TUSC3: variants seen among roughly 807,000 people sequenced by gnomAD.
The protein encoded by TUSC3 is dolichyl-diphosphooligosaccharide--protein glycosyltransferase subunit TUSC3.
Under a neutral mutation model 44.8 loss-of-function variants are expected in TUSC3, and 45 were observed. The observed-to-expected ratio is 1.00, with a 90% CI of 0.79 to 1.29. The LOEUF (loss-of-function observed/expected upper bound fraction) is 1.29, where lower values mean the gene tolerates loss of function less well. TUSC3 is among the 50% of genes most tolerant of loss of function. TUSC3 has a pLI of 0.00. For synonymous variants in TUSC3, 212 were observed against 152.9 expected, an observed-to-expected ratio of 1.39 and a Z score of -2.85; for missense variants, 519 against 437.9, an observed-to-expected ratio of 1.19 and a Z score of -1.65.
chr8:15,588,824 G>T (rs762798342), intron 1 of TUSC3, among the ~76,000 whole-genome samples: 2 of 152,032 alleles, frequency 1.3e-5, no homozygotes, highest in Non-Finnish European at 2.9e-5. Context: ...CTTTCCCCCA[G>T]TGTTTGTTTT....
At chr8:15,821,334 C>T in the TUSC3 span, among the ~76,000 whole-genome samples, 1 of 140,950 alleles carries the variant, frequency 7.1e-6, no homozygotes. Context: ...TGGATTTTAG[C>T]AGATTGATTT....
intron 2 of TUSC3, among the ~76,000 whole-genome samples, chr8:15,624,359 G>C (rs750618935): frequency 2.0e-4 from 31 of 152,112 alleles, no homozygotes; most frequent in Admixed American, 2.6e-4. Flanking sequence ...AGGTTGTGTG[G>C]TAGTTTCTAT....
At chr8:15,516,923 T>C (rs1801223801) in intron 2 of TUSC3, among the ~76,000 whole-genome samples, 1 of 152,194 alleles carries the variant, frequency 6.6e-6, no homozygotes, top group Admixed American at 6.5e-5. Context: ...GATTAATAAG[T>C]TCATGCTCTT....
intron 1 of TUSC3, among the ~76,000 whole-genome samples, chr8:15,585,165 C>A (rs190971617): frequency 2.6e-5 from 4 of 152,110 alleles, no homozygotes; most frequent in African/African-American, 9.7e-5. Flanking sequence ...AGTTGCCTAA[C>A]TGGCGTTAGG....
chr8:15,782,970 A>G, the TUSC3 span, among the ~76,000 whole-genome samples: 1 of 152,132 alleles, frequency 6.6e-6, no homozygotes. Flanking sequence ...AAAATACTAA[A>G]GACTCCACCA....
intron 3 of TUSC3, among the ~76,000 whole-genome samples, chr8:15,652,739 T>G (rs1209764012): frequency 6.6e-6 from 1 of 152,200 alleles, no homozygotes; most frequent in African/African-American, 2.4e-5. Context: ...ATAGAAGTGC[T>G]ATTCAATGTA....
chr8:15,836,541 C>T, the TUSC3 span, among the ~76,000 whole-genome samples: 1 of 151,550 alleles, frequency 6.6e-6, no homozygotes, highest in African/African-American at 2.4e-5. Context: ...GGTTCTCTGT[C>T]TTACCCTTTT....
intron 2 of TUSC3, among the ~76,000 whole-genome samples, chr8:15,490,999 G>A (rs1800800962): frequency 6.6e-6 from 1 of 152,212 alleles, no homozygotes; most frequent in Non-Finnish European, 1.5e-5. Context: ...AGAGAAAAGA[G>A]AGGACATACG....
intron 7 of TUSC3, among the ~76,000 whole-genome samples, chr8:15,736,574 T>C (rs1273126199): frequency 6.6e-6 from 1 of 152,184 alleles, no homozygotes; most frequent in African/African-American, 2.4e-5. Context: ...AATCTGCTTT[T>C]CTTACTAAAT....
chr8:15,466,589 G>A (rs1280714022), intron 1 of TUSC3, among the ~76,000 whole-genome samples: 1 of 152,092 alleles, frequency 6.6e-6, no homozygotes, highest in Admixed American at 6.5e-5. Context: ...ATTTGAGTTA[G>A]GAGACATTCA....
At chr8:15,555,931 C>T (rs1802245367) in intron 1 of TUSC3, among the ~76,000 whole-genome samples, 1 of 151,162 alleles carries the variant, frequency 6.6e-6, no homozygotes, top group Non-Finnish European at 1.5e-5. Context: ...ATAATGTATG[C>T]TTTCTGGATA....
chr8:15,658,507 T>G (rs916531199), intron 3 of TUSC3, among the ~76,000 whole-genome samples: 1 of 152,114 alleles, frequency 6.6e-6, no homozygotes, highest in African/African-American at 2.4e-5. Flanking sequence ...TGATTTTTGT[T>G]TTCATTATTA....
At position 15,459,286 on chromosome 8, in the gene TUSC3, C is replaced by T. The variant is rs1229256461; in HGVS notation, n.92-24100C>T. 3.9e-5 allele frequency among the ~76,000 whole-genome samples: 6 copies of T among 152,086 alleles called. No individual in the cohort carries two copies. In the East Asian group the frequency reaches 1.2e-3, roughly 29 times the overall value. On this transcript the variant is annotated intron_variant and non_coding_transcript_variant, in intron 1 of 5. Transcript: ENST00000503191. ...GTCTAGTTCAGGAAGTTTTTGTCTT[C>T]TAAAGTGACAATAGAAGTTGTTTTG...
chr8:15,531,457 G>T (rs1243265298), intron 2 of TUSC3, among the ~76,000 whole-genome samples: 1 of 152,134 alleles, frequency 6.6e-6, no homozygotes, highest in East Asian at 1.9e-4. Context: ...TCGCCACGTT[G>T]GCCAGGCTGG....
At chr8:15,626,740 C>T (rs548945739) in intron 2 of TUSC3, among the ~76,000 whole-genome samples, 73 of 152,338 alleles carry the variant, frequency 4.8e-4, no homozygotes, top group Admixed American at 4.5e-3. Flanking sequence ...CAGGTGTGTG[C>T]ATGCTCAGGG....
chr8:15,480,484 A>G (rs1358598136), intron 1 of TUSC3, among the ~76,000 whole-genome samples: 3 of 152,244 alleles, frequency 2.0e-5, no homozygotes, highest in Non-Finnish European at 4.4e-5. Flanking sequence ...TCCTACATCA[A>G]GTACAACTTC....
intron 6 of TUSC3, among the ~76,000 whole-genome samples, chr8:15,696,192 C>A (rs988970490): frequency 6.6e-6 from 1 of 152,134 alleles, no homozygotes; most frequent in Non-Finnish European, 1.5e-5. Context: ...GGGCTGGGCT[C>A]AGGGTCCTCG....
intron 8 of TUSC3, among the ~76,000 whole-genome samples, chr8:15,745,274 G>C (rs77672330): frequency 6.6e-6 from 1 of 152,082 alleles, no homozygotes; most frequent in African/African-American, 2.4e-5. Flanking sequence ...AAACATAAGA[G>C]TGCATGGGTC....
intron 2 of TUSC3, among the ~76,000 whole-genome samples, chr8:15,638,497 CTTTTTTTTTCTTTTTTTCTTTTTTTT>C (rs1304027317): frequency 1.5e-5 from 2 of 135,522 alleles, no homozygotes; most frequent in Admixed American, 1.6e-4. Context: ...TGAAGACAAA[CTTTTTTTTTCTTTTTTTCTTTTTTTT>C]TTTTTTTTTT....
Sources: allele counts gnomAD v4.1 joint callset (sites outside exome capture counted in the v4.1 genomes callset), GRCh38; gene constraint gnomAD v4.1.1; transcripts MANE v1.5; gene names NCBI Gene and HGNC (gene_info 2026-07-23, HGNC 2026-07-21).